Variants in VEGFD observed in about 807,000 individuals in gnomAD.
The protein encoded by VEGFD is c-fos induced growth factor (vascular endothelial growth factor D).
VEGFD carries 26 observed loss-of-function variants against 28.0 expected under a neutral mutation model. The ratio of observed to expected loss-of-function variants is 0.93; its 90% CI spans 0.68 to 1.29. The LOEUF (loss-of-function observed/expected upper bound fraction) is 1.29. Ranked by LOEUF, VEGFD falls within the 50% of genes most tolerant of loss-of-function variation. The pLI is 0.00. For synonymous variants in VEGFD, 93 were observed against 95.5 expected (o/e 0.97, Z 0.15); for missense variants, 294 against 273.4 (o/e 1.08, Z -0.53).
rs186765697 is a variant in VEGFD, at chrX:15,370,308, C to T, written c.91-6989G>A. ...ATTTATTAAATGTATGAATAAACAA[C>T]TTGATTCACCAAAAGCTATAGAAAA... On this transcript the variant is annotated intron_variant, in intron 1 of 6. Transcript: ENST00000297904. 7.8e-3 allele frequency among the ~76,000 whole-genome samples: 872 copies of T among 112,140 alleles called. 12 individuals carry two copies. Among genetic ancestry groups the T allele is most frequent in the African/African-American group, 0.027 (822 of 30,909 alleles).
intron 1 of VEGFD, among the ~76,000 whole-genome samples, chrX:15,367,408 C>T (rs193054062): frequency 2.7e-5 from 3 of 112,079 alleles, no homozygotes; most frequent in Non-Finnish European, 3.8e-5. Context: ...TGAACAATTG[C>T]TAATGTCTCT....
Position 15,383,933 on chromosome X carries a change from C to T in VEGFD, c.14G>A (p.Trp5Ter). The T allele has an allele frequency of 1.7e-6, 2 of 1,197,772 alleles. No homozygotes were observed. Among genetic ancestry groups the T allele is most frequent in the Non-Finnish European group, 2.3e-6 (2 of 882,707 alleles). The change falls in exon 1 of 7, where the codon TGG becomes TAG. Residue 5 changes from tryptophan to a stop codon, truncating the protein, a stop_gained. Coordinates refer to ENST00000297904, the MANE Select transcript of VEGFD (RefSeq NM_004469.5). LOFTEE classifies it high-confidence loss of function. Reference sequence around the variant, plus strand: ...CATCATGAAAACATTCACCACTACCCACTCTCTGTACATTTTGAATATTTC... The same window carrying T: ...CATCATGAAAACATTCACCACTACCTACTCTCTGTACATTTTGAATATTTC... MYRE[W>*]VVVNVFMMLY...
At chrX:15,359,636 C>T (rs1351208201) in intron 2 of VEGFD, among the ~76,000 whole-genome samples, 1 of 110,615 alleles carries the variant, frequency 9.0e-6, no homozygotes, top group Non-Finnish European at 1.9e-5. Flanking sequence ...TGAGTGAGAA[C>T]ATGCGGTGTT....
intron 1 of VEGFD, among the ~76,000 whole-genome samples, chrX:15,381,715 A>G (rs925689239): frequency 1.8e-5 from 2 of 111,216 alleles, no homozygotes; most frequent in Non-Finnish European, 3.8e-5. Context: ...TATATATCTC[A>G]TTATCCCTTA....
chrX:15,346,489 A>G (rs1005288623), intron 6 of VEGFD, among the ~76,000 whole-genome samples: 16 of 112,092 alleles, frequency 1.4e-4, no homozygotes, highest in African/African-American at 5.2e-4. Context: ...TATTCCCTCC[A>G]TTAAAGAAAA....
intron 1 of VEGFD, among the ~76,000 whole-genome samples, chrX:15,373,348 A>G (rs1923357509): frequency 2.7e-5 from 3 of 111,580 alleles, no homozygotes; most frequent in Admixed American, 1.9e-4. Context: ...ATCCCATGCT[A>G]TTAACAATCC....
At chrX:15,377,223 T>C (rs1251466803) in intron 1 of VEGFD, among the ~76,000 whole-genome samples, 1 of 112,021 alleles carries the variant, frequency 8.9e-6, no homozygotes, top group Non-Finnish European at 1.9e-5. Context: ...ATTCCACAAA[T>C]ATTTACTGAG....
intron 2 of VEGFD, among the ~76,000 whole-genome samples, chrX:15,360,197 T>C (rs187531517): frequency 9.0e-6 from 1 of 111,514 alleles, no homozygotes; most frequent in African/African-American, 3.3e-5. Flanking sequence ...CATCCCTTAA[T>C]ACCAATTTTT....
chrX:15,375,312 AG>A (rs1923409959), intron 1 of VEGFD, among the ~76,000 whole-genome samples: 1 of 112,322 alleles, frequency 8.9e-6, no homozygotes, highest in Admixed American at 9.5e-5. Context: ...AAGTGTGTAA[AG>A]AAAAAAACAA....
Position 15,358,056 on chromosome X carries a change from T to A in VEGFD, c.439A>T (p.Asn147Tyr). 1 of 1,211,931 alleles carries A rather than the reference T, an allele frequency of 8.3e-7. No homozygotes were observed. Among genetic ancestry groups the A allele is most frequent in the African/African-American group, 1.7e-5 (1 of 57,867 alleles). ...TTCATACAGATAAGGCTCTCTTCAT[T>A]GCAACAGCCACCACATCGGAACACG... ...VNVFRCGGCC[N>Y]EESLICMNTS... Residue 147 changes from asparagine (N) to tyrosine (Y), a missense_variant, in exon 3 of 7, where the codon AAT (asparagine) becomes TAT (tyrosine). Asn to Tyr is a moderately radical substitution (Grantham distance 143). Transcript: ENST00000297904.
intron 1 of VEGFD, 105 bp downstream of exon 1, chrX:15,383,752 T>C (rs1432163262): frequency 8.7e-6 from 5 of 572,942 alleles, no homozygotes; most frequent in Non-Finnish European, 1.2e-5. Flanking sequence ...ACTACTAGGA[T>C]GGTTCTGCAT....
chrX:15,364,020 G>C (rs1321156150), intron 1 of VEGFD, among the ~76,000 whole-genome samples: 1 of 111,778 alleles, frequency 8.9e-6, no homozygotes, highest in Non-Finnish European at 1.9e-5. Flanking sequence ...CATAGGAAAC[G>C]AAAAGATGTT....
chrX:15,346,020 G>T lies in VEGFD; in HGVS notation c.*113C>A. On this transcript the variant is annotated 3_prime_UTR_variant, in exon 7 of 7. Coordinates refer to ENST00000297904, the MANE Select transcript of VEGFD (RefSeq NM_004469.5). ...GGAAGGTTGGTCTGGATTCACTGTG[G>T]TGCTGTGTAAAATGGATTTTTTTTT... The T allele has an allele frequency of 2.2e-6, 2 of 920,671 alleles. No homozygotes were observed. Among genetic ancestry groups the T allele is most frequent in the Non-Finnish European group, 3.0e-6 (2 of 657,937 alleles). The allele number at this position is 920,671 out of a possible 1,213,427, so 75.9% of individuals were successfully genotyped here.
intron 5 of VEGFD, among the ~76,000 whole-genome samples, chrX:15,350,984 C>G (rs1430394690): frequency 1.0e-5 from 1 of 96,869 alleles, no homozygotes; most frequent in Admixed American, 1.2e-4. Flanking sequence ...GCCTCAGCCT[C>G]CTGAGTAGCT....
At chrX:15,381,477 C>T (rs1312724758) in intron 1 of VEGFD, among the ~76,000 whole-genome samples, 1 of 108,033 alleles carries the variant, frequency 9.3e-6, no homozygotes, top group Non-Finnish European at 1.9e-5. Flanking sequence ...GACCAAGTAC[C>T]GAGGAAGACC....
chrX:15,364,635 T>C (rs1023186901), intron 1 of VEGFD, among the ~76,000 whole-genome samples: 4 of 111,604 alleles, frequency 3.6e-5, no homozygotes, highest in African/African-American at 1.3e-4. Flanking sequence ...AGTTACTAGA[T>C]GTTTGTTTTG....
chrX:15,346,376 T>C, intron 6 of VEGFD, 117 bp from the exon 7 acceptor site: 3 of 798,120 alleles, frequency 3.8e-6, no homozygotes, highest in Non-Finnish European at 5.3e-6. Context: ...CAGTATAAAA[T>C]CCTGCATGGT....
chrX:15,347,351 G>A lies in VEGFD; in HGVS notation c.751C>T (p.His251Tyr), dbSNP rs780418465. The change falls in exon 6 of 7, where the codon CAT becomes TAT. Residue 251 changes from histidine to tyrosine, a missense_variant. Transcript: ENST00000297904. ...NPLAGTEDHS[H>Y]LQEPALCGPH... ...CCACAGAGAGCTGGTTCCTGGAGAT[G>A]AGAGTGGTCTAAAGAGAAACAGAAA... 7 of 1,206,169 alleles carry A rather than the reference G, an allele frequency of 5.8e-6. No individual in the cohort carries two copies. Among genetic ancestry groups the A allele is most frequent in the Non-Finnish European group, 7.8e-6 (7 of 892,604 alleles).
At chrX:15,368,030 G>GAAA (rs59473175) in intron 1 of VEGFD, among the ~76,000 whole-genome samples, 1,133 of 44,535 alleles carry the variant, frequency 0.025, 9 homozygotes, top group Middle Eastern at 0.075. Flanking sequence ...AAGAAAGAAA[G>GAAA]GAAAGAAGAA....
Sources: allele counts gnomAD v4.1 joint callset (sites outside exome capture counted in the v4.1 genomes callset), GRCh38; gene constraint gnomAD v4.1.1; transcripts MANE v1.5; gene names NCBI Gene and HGNC (gene_info 2026-07-23, HGNC 2026-07-21).